Variants in STAU2 observed in about 807,000 individuals in gnomAD.
STAU2 encodes the protein double-stranded RNA-binding protein Staufen homolog 2.
Under a neutral mutation model 65.9 loss-of-function variants are expected in STAU2, and 20 were observed. The ratio of observed to expected loss-of-function variants is 0.30; its 90% confidence interval spans 0.21 to 0.44. STAU2 has a LOEUF of 0.44. STAU2 is among the 20% of genes least tolerant of loss of function. STAU2 has a pLI of 1.00. For missense variants in STAU2, 558 were observed against 683.9 expected (o/e 0.82, Z 2.05); for synonymous variants, 232 against 233.9 (o/e 0.99, Z 0.07).
At chr8:73,699,462 TA>T (rs1335857484) in intron 4 of STAU2, among the ~76,000 whole-genome samples, 1 of 150,016 alleles carries the variant, frequency 6.7e-6, no homozygotes, top group Non-Finnish European at 1.5e-5. Context: ...CCCAAGTAAA[TA>T]AAACCAGAGA....
At chr8:73,747,455 G>A, upstream of STAU2, 2 of 1,534,428 alleles carry the variant, frequency 1.3e-6, no homozygotes, top group East Asian at 2.5e-5. Flanking sequence ...CGTCTGCTCC[G>A]GCCGCCGCTG....
At chr8:73,669,637 TTCTCTC>T (rs34037884) in intron 6 of STAU2, among the ~76,000 whole-genome samples, 353 of 141,268 alleles carry the variant, frequency 2.5e-3, no homozygotes, top group Middle Eastern at 3.6e-3. Flanking sequence ...GAGCCTGGAA[TTCTCTC>T]TCTCTCTCTC....
intron 6 of STAU2, among the ~76,000 whole-genome samples, chr8:73,670,172 C>G (rs1018436339): frequency 6.6e-6 from 1 of 152,072 alleles, no homozygotes; most frequent in Non-Finnish European, 1.5e-5. Context: ...AAAACAACTA[C>G]AAGAGAAATG....
intron 3 of STAU2, among the ~76,000 whole-genome samples, chr8:73,722,598 G>C (rs1345855915): frequency 6.6e-6 from 1 of 151,978 alleles, no homozygotes; most frequent in African/African-American, 2.4e-5. Flanking sequence ...TGCTTATATC[G>C]TTTCTGATAA....
intron 4 of STAU2, 50 bp downstream of exon 4, chr8:73,708,982 A>C (rs539904252): frequency 2.1e-6 from 3 of 1,415,740 alleles, no homozygotes; most frequent in Non-Finnish European, 2.8e-6. Context: ...TGAGATGATA[A>C]ATCTGTTAGT....
chr8:73,687,443 TATAA>T (rs1327896663), intron 5 of STAU2, among the ~76,000 whole-genome samples: 3 of 129,246 alleles, frequency 2.3e-5, no homozygotes, highest in African/African-American at 3.3e-5. Context: ...ATTTATAATA[TATAA>T]ATATATAATA....
At chr8:73,456,361 C>G in intron 13 of STAU2, among the ~76,000 whole-genome samples, 1 of 152,216 alleles carries the variant, frequency 6.6e-6, no homozygotes, top group Admixed American at 6.5e-5. Context: ...ACTGGAACCT[C>G]TCATCTTCCA....
chr8:73,543,405 T>C (rs868229917), intron 13 of STAU2, among the ~76,000 whole-genome samples: 1 of 152,348 alleles, frequency 6.6e-6, no homozygotes, highest in South Asian at 2.1e-4. Context: ...TTTTATCACA[T>C]GTAAATTATA....
At chr8:73,669,188 C>G in intron 6 of STAU2, 1 of 667,776 alleles carries the variant, frequency 1.5e-6, no homozygotes, top group Non-Finnish European at 2.7e-6. Flanking sequence ...CTTCTGTGAG[C>G]AGAAAGAGCT....
At chr8:73,738,180 TGA>T (rs765864867) in intron 3 of STAU2, 102 bp downstream of exon 3, 1 of 1,012,684 alleles carries the variant, frequency 9.9e-7, no homozygotes, top group Non-Finnish European at 1.5e-6. Context: ...TAAAAAGTGA[TGA>T]GTCAGGTTAC....
chr8:73,562,047 A>G (rs553544651), intron 12 of STAU2, among the ~76,000 whole-genome samples: 115 of 152,334 alleles, frequency 7.5e-4, no homozygotes, highest in African/African-American at 2.6e-3. Context: ...ATATCTATAC[A>G]TTTAAGAAGT....
intron 13 of STAU2, among the ~76,000 whole-genome samples, chr8:73,431,918 T>G (rs1817328403): frequency 6.6e-6 from 1 of 152,236 alleles, no homozygotes; most frequent in Non-Finnish European, 1.5e-5. Context: ...CATTCGGCCA[T>G]TCTCTGAGAG....
chr8:73,482,620 T>C (rs749929725), intron 13 of STAU2, among the ~76,000 whole-genome samples: 4 of 152,124 alleles, frequency 2.6e-5, no homozygotes, highest in Non-Finnish European at 5.9e-5. Context: ...TAAAATGTAT[T>C]TAAGTTTTAT....
chr8:73,524,898 G>A (rs1440722235), intron 13 of STAU2, among the ~76,000 whole-genome samples: 8 of 152,182 alleles, frequency 5.3e-5, no homozygotes, highest in African/African-American at 1.7e-4. Context: ...TGCTGCTACG[G>A]TGAAGGAGTA....
intron 3 of STAU2, among the ~76,000 whole-genome samples, chr8:73,730,874 A>C (rs1806016170): frequency 6.6e-6 from 1 of 151,988 alleles, no homozygotes; most frequent in African/African-American, 2.4e-5. Flanking sequence ...TAGATGTTCT[A>C]TCCATTGCTA....
chr8:73,686,548 CAAAA>C (rs111707785), intron 5 of STAU2, among the ~76,000 whole-genome samples: 1 of 97,866 alleles, frequency 1.0e-5, no homozygotes. Context: ...GACTCCCCCT[CAAAA>C]AAAAAAAAAA....
At chr8:73,588,549 C>A (rs1404280852) in intron 11 of STAU2, among the ~76,000 whole-genome samples, 1 of 152,082 alleles carries the variant, frequency 6.6e-6, no homozygotes, top group Non-Finnish European at 1.5e-5. Flanking sequence ...CTTCTCTAGG[C>A]CATTCTCCAA....
At chr8:73,610,801 T>C (rs1320180966) in intron 9 of STAU2, among the ~76,000 whole-genome samples, 1 of 152,216 alleles carries the variant, frequency 6.6e-6, no homozygotes, top group Non-Finnish European at 1.5e-5. Context: ...AAAGACATTA[T>C]CAGGGCAGTT....
chr8:73,687,368 A>AATTTAT (rs374441067), intron 5 of STAU2, among the ~76,000 whole-genome samples: 102,932 of 116,702 alleles, frequency 0.88, 44,777 homozygotes, highest in East Asian at 0.92. Context: ...ATATAAATAT[A>AATTTAT]ATTTATAATT....
Sources: allele counts gnomAD v4.1 joint callset (sites outside exome capture counted in the v4.1 genomes callset), GRCh38; gene constraint gnomAD v4.1.1; transcripts MANE v1.5; gene names NCBI Gene and HGNC (gene_info 2026-07-23, HGNC 2026-07-21).